The following ABCC11 variants were observed in gnomAD, a reference collection of about 807,000 sequenced individuals.
ABCC11 encodes the protein ATP-binding cassette sub-family C member 11.
ABCC11 carries 135 observed loss-of-function variants against 149.3 expected under a neutral mutation model. The observed-to-expected ratio is 0.90, with a 90% confidence interval of 0.79 to 1.04. The LOEUF is 1.04. Ranked by LOEUF, ABCC11 falls within the 50% of genes least tolerant of loss-of-function variation. The pLI, the probability that ABCC11 is intolerant of heterozygous loss-of-function variation, is 0.00. For synonymous variants in ABCC11, 665 were observed against 671.4 expected (o/e 0.99, Z 0.15); for missense variants, 1,680 against 1,722.1 (o/e 0.98, Z 0.43).
intron 20 of ABCC11, among the ~76,000 whole-genome samples, chr16:48,189,965 C>T (rs183230751): frequency 1.3e-4 from 20 of 152,342 alleles, no homozygotes; most frequent in African/African-American, 3.8e-4. Context: ...GCTCCATTCT[C>T]CTCCCAGAAG....
intron 1 of ABCC11, among the ~76,000 whole-genome samples, chr16:48,239,903 T>C (rs1051598559): frequency 6.6e-6 from 1 of 152,208 alleles, no homozygotes; most frequent in South Asian, 2.1e-4. Flanking sequence ...GATATTCATG[T>C]GGCCAACAAA....
intron 1 of ABCC11, among the ~76,000 whole-genome samples, chr16:48,245,496 T>C (rs1383340075): frequency 6.6e-6 from 1 of 152,244 alleles, no homozygotes; most frequent in African/African-American, 2.4e-5. Context: ...TGCTGTCCAG[T>C]ACTGTGTAGT....
At position 48,169,805 on chromosome 16, in the gene ABCC11, T is replaced by C. The variant is rs530968182; in HGVS notation, c.3891+300A>G. Among the ~76,000 whole-genome samples the C allele has an allele frequency of 9.1e-4, 135 of 148,226 alleles. 2 individuals carry two copies. The South Asian group carries it at 0.011, about 12-fold the overall frequency. ...GGGGGAGGGATAGCATTAGGAGATA[T>C]ACCTAATGTAAATGACGAGTTAACG... On this transcript the variant is annotated intron_variant, in intron 28 of 29. Transcript: ENST00000356608.
Position 48,211,209 on chromosome 16 carries a change from C to G in ABCC11, c.1357-10G>C, listed in dbSNP as rs1189965625. 1 of 1,607,372 alleles carries G rather than the reference C, an allele frequency of 6.2e-7. No individual in the cohort carries two copies. The highest frequency in any genetic ancestry group is 1.7e-5 in the Admixed American group (1 of 58,208). ...CCTGGAGGAAAAACTTCTGTAAAGA[C>G]AGAAAAAAATAGAGGGAGGAGGAAT... On this transcript the variant is annotated splice_polypyrimidine_tract_variant and intron_variant, in intron 10 of 29. Transcript: ENST00000356608.
chr16:48,178,361 T>C (rs911405237), intron 24 of ABCC11, among the ~76,000 whole-genome samples: 1 of 152,074 alleles, frequency 6.6e-6, no homozygotes, highest in African/African-American at 2.4e-5. Flanking sequence ...GAGAAGATGA[T>C]CTCCTCTTCC....
chr16:48,206,708 G>T (rs754901945), intron 12 of ABCC11, among the ~76,000 whole-genome samples: 5 of 152,334 alleles, frequency 3.3e-5, no homozygotes, highest in African/African-American at 7.2e-5. Flanking sequence ...AGGCTGCCAG[G>T]CAATGCTGCT....
chr16:48,205,643 G>T (rs1968375491), intron 12 of ABCC11, 106 bp from the exon 13 acceptor site: 3 of 1,437,068 alleles, frequency 2.1e-6, no homozygotes, highest in Non-Finnish European at 1.9e-6. Flanking sequence ...CAGGACCTTG[G>T]GGGCTCTCCT....
chr16:48,227,113 T>C (rs575469475), intron 4 of ABCC11, among the ~76,000 whole-genome samples: 1 of 152,272 alleles, frequency 6.6e-6, no homozygotes, highest in East Asian at 1.9e-4. Context: ...CCCAAAGTAA[T>C]ACTCAGTGCC....
At chr16:48,218,289 C>G (rs1434755671) in intron 6 of ABCC11, among the ~76,000 whole-genome samples, 1 of 152,132 alleles carries the variant, frequency 6.6e-6, no homozygotes, top group Non-Finnish European at 1.5e-5. Flanking sequence ...GAGTGAGAAC[C>G]TGTCTCAGAC....
rs544159179 is a variant in ABCC11 at position 48,227,312 on chromosome 16, A to G, written c.395+494T>C. Among the ~76,000 whole-genome samples, 6 of 152,054 alleles carry G rather than the reference A, an allele frequency of 3.9e-5. No individual in the cohort carries two copies. The South Asian group carries it at 1.2e-3, about 32-fold the overall frequency. ...AACATAGTGAAACCCCATCTCTACT[A>G]AAAATACAAAAATTAGCCGGACGTG... On this transcript the variant is annotated intron_variant, in intron 4 of 29. Transcript: ENST00000356608.
chr16:48,169,780 G>C (rs369923538), intron 28 of ABCC11, among the ~76,000 whole-genome samples: 2 of 106,354 alleles, frequency 1.9e-5, no homozygotes, highest in African/African-American at 3.7e-5. Context: ...GTGGGGGGAG[G>C]GGGGAGGGAT....
Position 48,247,511 on chromosome 16 carries a change from G to A in ABCC11, c.-216C>T, listed in dbSNP as rs1424803894. The A allele has an allele frequency of 6.6e-6, 1 of 152,332 alleles. No individual in the cohort carries two copies. The highest frequency in any genetic ancestry group is 1.5e-5 in the Non-Finnish European group (1 of 68,088). The allele number at this position is 152,332 out of a possible 1,614,324, so 9.4% of individuals were successfully genotyped here. ...GCCACTTCCTTGGTGGTTTTGAGTA[G>A]TACAGTCCCTTTCTGCACGTTAGTG... On this transcript the variant is annotated 5_prime_UTR_variant, in exon 1 of 30. Transcript: ENST00000356608.
rs1200457896 is a variant in ABCC11, at chr16:48,193,882, C to T, written c.2505G>A (p.Ser835=). 12 of 1,613,290 alleles carry T rather than the reference C, an allele frequency of 7.4e-6. No individual in the cohort carries two copies. Among genetic ancestry groups the T allele is most frequent in the Middle Eastern group, 1.7e-4 (1 of 6,022 alleles). The part of the protein sequence containing the change: ...WWLSYWLEQG[S]GTNSSRESNG... Reference sequence around the variant, plus strand: ...CCATCCACCTCATGGCACTCACCCCCGAGCCCTGCTCCAACCAGTAGCTCA... The same window carrying T: ...CCATCCACCTCATGGCACTCACCCCTGAGCCCTGCTCCAACCAGTAGCTCA... The change falls in exon 19 of 30, where the codon TCG becomes TCA. Residue 835 remains serine (S), a synonymous_variant. Transcript: ENST00000356608.
rs987414935 is a variant in ABCC11, at chr16:48,210,756, A to T, written c.1608+192T>A. 8 of 833,268 alleles carry T rather than the reference A, an allele frequency of 9.6e-6. No homozygotes were observed. In the African/African-American group the frequency reaches 1.4e-4, roughly 14 times the overall value. 51.6% of individuals were successfully genotyped at this position (833,268 alleles called of 1,614,324 possible). A position where few individuals can be genotyped will look rare whatever the true frequency, so the allele number is the denominator to read the frequency against. ...ACCTAAGCCAAAAAAATTTTAAATG[A>T]TAGATTAATTCACATTAAAAAATGA... On this transcript the variant is annotated intron_variant, in intron 11 of 29. Coordinates refer to ENST00000356608, the MANE Select transcript of ABCC11 (RefSeq NM_001370497.1).
chr16:48,240,130 T>C (rs1319844918), intron 1 of ABCC11, among the ~76,000 whole-genome samples: 3 of 152,158 alleles, frequency 2.0e-5, no homozygotes, highest in Non-Finnish European at 4.4e-5. Flanking sequence ...TCCTCAAAGA[T>C]CTAGAGGCAG....
In ABCC11 at chr16:48,192,633, C is replaced by T; in HGVS notation, c.2593G>A (p.Val865Met). Residue 865 changes from valine to methionine, a missense_variant, in exon 20 of 30, where the codon GTG (valine) becomes ATG (methionine). Val to Met is a conservative substitution (Grantham distance 21). Transcript: ENST00000356608. Reference protein sequence around the residue: ...DNPQLSFYQLVYGLNALLLIC... With the variant: ...DNPQLSFYQLMYGLNALLLIC... ...AGGAGCAGGGCGTTGAGCCCGTACACCAGCTGGTAGAAGGACAGTTGAGGA... is the reference window on the plus strand; with the variant it reads ...AGGAGCAGGGCGTTGAGCCCGTACATCAGCTGGTAGAAGGACAGTTGAGGA... 6.2e-7 allele frequency: 1 copy of T among 1,614,188 alleles called. No individual in the cohort carries two copies. Among genetic ancestry groups the T allele is most frequent in the Non-Finnish European group, 8.5e-7 (1 of 1,180,030 alleles).
intron 23 of ABCC11, among the ~76,000 whole-genome samples, chr16:48,179,174 A>T (rs1042732390): frequency 1.3e-5 from 2 of 152,104 alleles, no homozygotes; most frequent in African/African-American, 4.8e-5. Context: ...TAGAACAGGG[A>T]CCCCAGTGTC....
At position 48,167,571 on chromosome 16, in the gene ABCC11, G is replaced by A. The variant is rs2150700581; in HGVS notation, c.3981C>T (p.Cys1327=). Residue 1327 remains cysteine (C), a synonymous_variant, in exon 29 of 30, where the codon TGC becomes TGT. Transcript: ENST00000356608. ...QRTIREAFQG[C]TVLVIAHRVT... ...CACGGTGGGCAATGACGAGCACGGT[G>A]CAGCCCTGGAAGGCTTCACGGATTG... The A allele has an allele frequency of 6.2e-7, 1 of 1,614,174 alleles. No individual in the cohort carries two copies. The highest frequency in any genetic ancestry group is 1.6e-4 in the Middle Eastern group (1 of 6,062).
chr16:48,181,787 A>T (rs987698560), intron 23 of ABCC11, among the ~76,000 whole-genome samples: 6 of 151,780 alleles, frequency 4.0e-5, no homozygotes, highest in Admixed American at 6.6e-5. Flanking sequence ...ATTTTTTTGT[A>T]TTTTTTTAGT....
Sources: allele counts gnomAD v4.1 joint callset (sites outside exome capture counted in the v4.1 genomes callset), GRCh38; gene constraint gnomAD v4.1.1; transcripts MANE v1.5; gene names NCBI Gene and HGNC (gene_info 2026-07-23, HGNC 2026-07-21).